Variants in SKAP2 observed in about 807,000 individuals in gnomAD.
SKAP2 encodes src kinase-associated phosphoprotein 2.
In SKAP2, 28 loss-of-function variants were observed where a neutral mutation model predicts 54.9. The ratio of observed to expected loss-of-function variants is 0.51; its 90% CI spans 0.38 to 0.70. SKAP2 has a LOEUF of 0.70. Ranked by LOEUF, SKAP2 falls within the 30% of genes least tolerant of loss-of-function variation. The pLI, the probability that SKAP2 is intolerant of heterozygous loss-of-function variation, is 0.00. For synonymous variants in SKAP2, 137 were observed against 134.3 expected (o/e 1.02, Z -0.14); for missense variants, 356 against 424.1 (o/e 0.84, Z 1.41).
chr7:26,816,941 C>A (rs181664937), intron 4 of SKAP2, among the ~76,000 whole-genome samples: 5 of 152,126 alleles, frequency 3.3e-5, no homozygotes, highest in Admixed American at 1.3e-4. Context: ...CTATCTGAAC[C>A]CCTGTTGTGG....
At chr7:26,846,057 T>C (rs1784915397) in intron 3 of SKAP2, among the ~76,000 whole-genome samples, 1 of 152,188 alleles carries the variant, frequency 6.6e-6, no homozygotes, top group Non-Finnish European at 1.5e-5. Context: ...TATGTACCAG[T>C]AGGGATCAAG....
intron 4 of SKAP2, among the ~76,000 whole-genome samples, chr7:26,802,349 G>A (rs1458981325): frequency 2.1e-5 from 3 of 142,938 alleles, no homozygotes; most frequent in African/African-American, 7.8e-5. Context: ...TCAGCTCACT[G>A]CAACCTCCGC....
intron 4 of SKAP2, among the ~76,000 whole-genome samples, chr7:26,778,902 C>T (rs973664935): frequency 1.3e-5 from 2 of 151,808 alleles, no homozygotes; most frequent in Non-Finnish European, 2.9e-5. Context: ...TCACTGTCAA[C>T]ATCAAAAGCA....
At chr7:26,670,818 T>C (rs1207786700) in intron 11 of SKAP2, among the ~76,000 whole-genome samples, 1 of 152,070 alleles carries the variant, frequency 6.6e-6, no homozygotes, top group Non-Finnish European at 1.5e-5. Flanking sequence ...CTAAGGCATT[T>C]ATTATTCCTT....
chr7:26,804,839 A>G lies in SKAP2; in HGVS notation c.307+39191T>C, dbSNP rs147021881. On this transcript the variant is annotated intron_variant, in intron 4 of 12. Transcript: ENST00000345317. ...GAATAAAATATTTTTTAAATTCACC[A>G]TCAACTAGTAAAAAGAAAAGCCAGT... Among the ~76,000 whole-genome samples, 492 of 152,292 alleles carry G rather than the reference A, an allele frequency of 3.2e-3. 5 individuals carry two copies. The highest frequency in any genetic ancestry group is 0.011 in the African/African-American group (465 of 41,562).
chr7:26,804,266 T>A (rs187128240), intron 4 of SKAP2, among the ~76,000 whole-genome samples: 5 of 152,192 alleles, frequency 3.3e-5, no homozygotes, highest in South Asian at 4.2e-4. Context: ...CAAAATTTTT[T>A]AAAAAATAAT....
At chr7:26,815,429 T>C (rs1351901528) in intron 4 of SKAP2, among the ~76,000 whole-genome samples, 1 of 152,156 alleles carries the variant, frequency 6.6e-6, no homozygotes, top group Non-Finnish European at 1.5e-5. Context: ...TGCCATGCTA[T>C]CATAAATGGC....
intron 4 of SKAP2, among the ~76,000 whole-genome samples, chr7:26,830,615 C>T (rs779977747): frequency 4.6e-5 from 7 of 152,166 alleles, no homozygotes; most frequent in African/African-American, 7.2e-5. Context: ...TCATATATAA[C>T]GAGCTCAAGA....
At chr7:26,744,290 T>C (rs1183356766) in intron 4 of SKAP2, among the ~76,000 whole-genome samples, 1 of 152,172 alleles carries the variant, frequency 6.6e-6, no homozygotes, top group Non-Finnish European at 1.5e-5. Flanking sequence ...TTACTTCAAT[T>C]TCAGAGAAAA....
chr7:26,841,196 T>C (rs213535), intron 4 of SKAP2, among the ~76,000 whole-genome samples: 5,159 of 152,150 alleles, frequency 0.034, 136 homozygotes, highest in Non-Finnish European at 0.051. Context: ...TAGTCTCTCA[T>C]TGAAATTCCA....
intron 9 of SKAP2, among the ~76,000 whole-genome samples, chr7:26,692,500 A>T (rs1224842780): frequency 6.6e-6 from 1 of 152,238 alleles, no homozygotes; most frequent in Non-Finnish European, 1.5e-5. Flanking sequence ...AGCTGTACTT[A>T]CACGACAAAT....
At chr7:26,821,492 A>G (rs1475445274) in intron 4 of SKAP2, among the ~76,000 whole-genome samples, 1 of 152,160 alleles carries the variant, frequency 6.6e-6, no homozygotes, top group Non-Finnish European at 1.5e-5. Flanking sequence ...TCTCTATTCT[A>G]AATCTTCTCA....
chr7:26,725,220 G>T (rs115048097), intron 9 of SKAP2, among the ~76,000 whole-genome samples: 1 of 151,938 alleles, frequency 6.6e-6, no homozygotes, highest in South Asian at 2.1e-4. Context: ...TTCACTTTTC[G>T]TAAGTTACAT....
chr7:26,826,638 T>G (rs566706293), intron 4 of SKAP2, among the ~76,000 whole-genome samples: 3 of 152,224 alleles, frequency 2.0e-5, no homozygotes, highest in Non-Finnish European at 2.9e-5. Context: ...ATCAAGTCTG[T>G]CTTTATTCCC....
chr7:26,772,969 G>A (rs577927219), intron 4 of SKAP2, among the ~76,000 whole-genome samples: 1 of 152,298 alleles, frequency 6.6e-6, no homozygotes, highest in African/African-American at 2.4e-5. Context: ...CTGCCTTTAT[G>A]TAGTTTTATT....
Position 26,763,715 on chromosome 7 carries a change from G to A in SKAP2, c.308-23751C>T, listed in dbSNP as rs563181632. On this transcript the variant is annotated intron_variant, in intron 4 of 12. Coordinates refer to ENST00000345317, the MANE Select transcript of SKAP2 (RefSeq NM_003930.5). ...CATTCTAAGAAATACATCATTAGGT[G>A]ATTTTGTCATTGTATAAACATCATG... Among the ~76,000 whole-genome samples the A allele has an allele frequency of 3.3e-5, 5 of 152,206 alleles. No homozygotes were observed. The South Asian group carries it at 6.2e-4, about 19-fold the overall frequency.
At chr7:26,762,779 C>T (rs1287347723) in intron 4 of SKAP2, among the ~76,000 whole-genome samples, 2 of 152,090 alleles carry the variant, frequency 1.3e-5, no homozygotes, top group Non-Finnish European at 2.9e-5. Context: ...GTGAAGGTAA[C>T]TGAATGATTC....
At chr7:26,738,283 C>T (rs1192271508) in intron 6 of SKAP2, among the ~76,000 whole-genome samples, 1 of 152,168 alleles carries the variant, frequency 6.6e-6, no homozygotes, top group Non-Finnish European at 1.5e-5. Flanking sequence ...GTTAACATAG[C>T]TAACGTACTT....
At chr7:26,831,623 A>G (rs1395174035) in intron 4 of SKAP2, among the ~76,000 whole-genome samples, 1 of 152,178 alleles carries the variant, frequency 6.6e-6, no homozygotes, top group Non-Finnish European at 1.5e-5. Flanking sequence ...TATATACCTT[A>G]TCCTACTCAA....
Sources: allele counts gnomAD v4.1 joint callset (sites outside exome capture counted in the v4.1 genomes callset), GRCh38; gene constraint gnomAD v4.1.1; transcripts MANE v1.5; gene names NCBI Gene and HGNC (gene_info 2026-07-23, HGNC 2026-07-21).